ARHGEF37: variants seen among roughly 807,000 people sequenced by gnomAD.
ARHGEF37 encodes Rho guanine nucleotide exchange factor (GEF) 37.
In ARHGEF37, 55 loss-of-function variants were observed where a neutral mutation model predicts 71.1. That is an observed-to-expected ratio of 0.77 (90% CI 0.62 to 0.97). ARHGEF37 has a LOEUF of 0.97. ARHGEF37 is among the 50% of genes least tolerant of loss of function. The probability of loss-of-function intolerance (pLI) is 0.00; values close to 1 mark genes in which losing one functional copy is unlikely to be tolerated. For synonymous variants in ARHGEF37, 327 were observed against 350.6 expected (o/e 0.93, Z 0.75); for missense variants, 765 against 836.8 (o/e 0.91, Z 1.06).
chr5:149,567,778 A>G (rs1762914883), intron 1 of ARHGEF37, among the ~76,000 whole-genome samples: 1 of 152,022 alleles, frequency 6.6e-6, no homozygotes, highest in Admixed American at 6.6e-5. Flanking sequence ...TTTCGGCATA[A>G]ATTGTTTCAG....
chr5:149,558,705 G>A lies in ARHGEF37; in HGVS notation c.-12+6582G>A, dbSNP rs1276957496. Among the ~76,000 whole-genome samples the A allele has an allele frequency of 5.0e-3, 485 of 96,766 alleles. 2 individuals carry two copies. The highest frequency in any genetic ancestry group is 0.029 in the South Asian group (109 of 3,764). The allele number at this position is 96,766 out of a possible 152,430, so 63.5% of individuals were successfully genotyped here. On this transcript the variant is annotated intron_variant, in intron 1 of 2. Transcript: ENST00000505810. ...ACCATATATATATGTGTGTGTGTGTGTGTGTGTGTGTGTGTGTGTGTGTGT... is the reference window on the plus strand; with the variant it reads ...ACCATATATATATGTGTGTGTGTGTATGTGTGTGTGTGTGTGTGTGTGTGT...
chr5:149,623,124 T>A (rs926860397), intron 9 of ARHGEF37, among the ~76,000 whole-genome samples: 2 of 152,258 alleles, frequency 1.3e-5, no homozygotes, highest in Middle Eastern at 3.4e-3. Context: ...ACTTTCAGTG[T>A]CTGGCATAGA....
intron 1 of ARHGEF37, among the ~76,000 whole-genome samples, chr5:149,582,864 C>T (rs1481271171): frequency 6.6e-6 from 1 of 151,526 alleles, no homozygotes; most frequent in Non-Finnish European, 1.5e-5. Flanking sequence ...AGGGTGATGA[C>T]CTGGAAGAAA....
At chr5:149,615,539 CT>C (rs1375681187) in intron 4 of ARHGEF37, among the ~76,000 whole-genome samples, 6 of 152,090 alleles carry the variant, frequency 3.9e-5, no homozygotes, top group African/African-American at 1.4e-4. Context: ...GATATTATGA[CT>C]TTTTACCCCT....
In ARHGEF37 at chr5:149,558,384, T is replaced by TA. The variant is rs113514672; in HGVS notation, c.-12+6263dup. Among the ~76,000 whole-genome samples the TA allele has an allele frequency of 8.1e-4, 123 of 152,254 alleles. 2 individuals carry two copies. Among genetic ancestry groups the TA allele is most frequent in the African/African-American group, 2.7e-3 (114 of 41,570 alleles). On this transcript the variant is annotated intron_variant, in intron 1 of 2. Transcript: ENST00000505810. ...AGCTGGGCGTGGTGGCTTGCGCCTA[T>TA]AATCCCAGCTACTCAGGAGGCTGAG...
At position 149,585,603 on chromosome 5, in the gene ARHGEF37, C is replaced by T. The variant is rs536427922; in HGVS notation, c.-12+3979C>T. On this transcript the variant is annotated intron_variant, in intron 1 of 12. Coordinates refer to ENST00000333677, the MANE Select transcript of ARHGEF37 (RefSeq NM_001001669.3). ...CGTGATCTTGGCTCACTGCAACCTC[C>T]GCCTCCTGGGTTCTAGCGAGTCTCC... Among the ~76,000 whole-genome samples the T allele has an allele frequency of 9.2e-5, 14 of 152,256 alleles. No homozygotes were observed. In the East Asian group the frequency reaches 2.3e-3, roughly 25 times the overall value.
intron 4 of ARHGEF37, among the ~76,000 whole-genome samples, chr5:149,612,664 G>A (rs1478536385): frequency 6.6e-6 from 1 of 152,174 alleles, no homozygotes; most frequent in Non-Finnish European, 1.5e-5. Context: ...AATGTTCAGG[G>A]GGACATATGA....
At chr5:149,567,231 G>A (rs1023795639) in intron 1 of ARHGEF37, among the ~76,000 whole-genome samples, 4 of 152,158 alleles carry the variant, frequency 2.6e-5, no homozygotes, top group African/African-American at 9.7e-5. Flanking sequence ...TGTACGTGAT[G>A]AGATTCAGGT....
At chr5:149,629,641 C>T (rs1007055444) in intron 12 of ARHGEF37, among the ~76,000 whole-genome samples, 1 of 152,180 alleles carries the variant, frequency 6.6e-6, no homozygotes, top group African/African-American at 2.4e-5. Flanking sequence ...GAGTGTCGTG[C>T]TGCTGGAGAG....
chr5:149,587,939 C>G lies in ARHGEF37; in HGVS notation c.-12+6315C>G, dbSNP rs148989545. Reference sequence around the variant, plus strand: ...GGAGACAAAGTCTCACTCTGTCGCCCAGGCTGGAGTGCAGTGGCATGATCT... The same window carrying G: ...GGAGACAAAGTCTCACTCTGTCGCCGAGGCTGGAGTGCAGTGGCATGATCT... On this transcript the variant is annotated intron_variant, in intron 1 of 12. Transcript: ENST00000333677. 3.0e-3 allele frequency among the ~76,000 whole-genome samples: 444 copies of G among 149,106 alleles called. 2 individuals carry two copies. The highest frequency in any genetic ancestry group is 0.018 in the Middle Eastern group (5 of 284).
chr5:149,588,702 T>C (rs1763310492), intron 1 of ARHGEF37, among the ~76,000 whole-genome samples: 1 of 152,118 alleles, frequency 6.6e-6, no homozygotes, highest in South Asian at 2.1e-4. Flanking sequence ...TGTTTTCCTT[T>C]TTCCCCCCTT....
chr5:149,617,296 C>T (rs561177134), intron 5 of ARHGEF37, among the ~76,000 whole-genome samples: 19 of 152,166 alleles, frequency 1.2e-4, no homozygotes, highest in Non-Finnish European at 2.4e-4. Context: ...AAAGTGAGAT[C>T]AATCTCATCC....
chr5:149,614,044 A>G (rs771732484), intron 4 of ARHGEF37, among the ~76,000 whole-genome samples: 2 of 151,954 alleles, frequency 1.3e-5, no homozygotes, highest in Non-Finnish European at 2.9e-5. Flanking sequence ...GATTACAAGC[A>G]TGAGCCACTG....
chr5:149,572,571 G>A (rs771945221), intron 1 of ARHGEF37, among the ~76,000 whole-genome samples: 7 of 152,322 alleles, frequency 4.6e-5, no homozygotes, highest in African/African-American at 7.2e-5. Flanking sequence ...GAGGGTTAAC[G>A]TATCAACTTG....
intron 2 of ARHGEF37, among the ~76,000 whole-genome samples, chr5:149,598,339 CTCTTCCTCTTCT>C (rs1265339037): frequency 1.3e-5 from 1 of 78,556 alleles, no homozygotes; most frequent in Non-Finnish European, 2.6e-5. Context: ...CTTCCTCTTC[CTCTTCCTCTTCT>C]TCTTCCTCTT....
At chr5:149,607,892 G>A (rs1262611615) in intron 3 of ARHGEF37, among the ~76,000 whole-genome samples, 5 of 147,838 alleles carry the variant, frequency 3.4e-5, no homozygotes, top group South Asian at 4.3e-4. Flanking sequence ...TCAGCCTCCC[G>A]AGTAGCTGGG....
intron 3 of ARHGEF37, among the ~76,000 whole-genome samples, chr5:149,602,868 A>G (rs1763796605): frequency 6.6e-6 from 1 of 152,134 alleles, no homozygotes; most frequent in South Asian, 2.1e-4. Flanking sequence ...TACACCACCA[A>G]TCTTCTAACC....
chr5:149,575,814 T>C (rs986932924), intron 1 of ARHGEF37, among the ~76,000 whole-genome samples: 1 of 151,668 alleles, frequency 6.6e-6, no homozygotes, highest in Admixed American at 6.6e-5. Context: ...CCTAAGTAGC[T>C]GGGCAGATTG....
In ARHGEF37 at chr5:149,618,985, G is replaced by A. The variant is rs1360543765; in HGVS notation, c.837G>A (p.Val279=). The A allele has an allele frequency of 1.2e-6, 2 of 1,614,204 alleles. No homozygotes were observed. The highest frequency in any genetic ancestry group is 1.7e-5 in the Admixed American group (1 of 60,030). ...FDDLEERFQW[V]SLCVTELKNN... ...ATTTAGAAGAGAGGTTCCAGTGGGT[G>A]TCTCTGTGTGTGACTGAGCTGAAGA... The change falls in exon 7 of 13, where the codon GTG becomes GTA. Residue 279 remains valine (V), a synonymous_variant. Coordinates refer to ENST00000333677, the MANE Select transcript of ARHGEF37 (RefSeq NM_001001669.3).
Sources: gnomAD v4.1 joint callset for allele counts (sites outside exome capture counted in the v4.1 genomes callset) on GRCh38, gnomAD v4.1.1 for gene constraint, MANE v1.5 for transcripts, NCBI Gene and HGNC (gene_info 2026-07-23, HGNC 2026-07-21) for gene names.